ZNF423: variants seen among roughly 807,000 people sequenced by gnomAD.
ZNF423 encodes zinc finger protein 423, also known as Ebf-associated zinc finger protein.
ZNF423 carries 12 observed loss-of-function variants against 95.8 expected under a neutral mutation model. The ratio of observed to expected loss-of-function variants is 0.13; its 90% CI spans 0.08 to 0.20. The LOEUF is 0.20. Ranked by LOEUF, ZNF423 falls within the 10% of genes least tolerant of loss-of-function variation. The pLI is 1.00. For missense variants in ZNF423, 1,316 were observed against 1,737.1 expected, an observed-to-expected ratio of 0.76 and a Z score of 4.31; for synonymous variants, 749 against 711.9, an observed-to-expected ratio of 1.05 and a Z score of -0.83.
At chr16:49,566,763 G>A (rs1484034305) in intron 5 of ZNF423, among the ~76,000 whole-genome samples, 4 of 152,164 alleles carry the variant, frequency 2.6e-5, no homozygotes, top group African/African-American at 4.8e-5. Flanking sequence ...ATGGCTTGGC[G>A]GGCAGCGCGG....
At chr16:49,542,080 A>G (rs2151738932) in intron 5 of ZNF423, among the ~76,000 whole-genome samples, 1 of 152,310 alleles carries the variant, frequency 6.6e-6, no homozygotes, top group African/African-American at 2.4e-5. Context: ...CTATAACTGG[A>G]AATGGTTGGA....
In ZNF423 at chr16:49,635,513, G is replaced by A. The variant is rs77942067; in HGVS notation, c.3516+147C>T. On this transcript the variant is annotated intron_variant, in intron 4 of 7. Transcript: ENST00000563137. This position sits in a 1 kb window ranked among gnomAD's most constrained non-coding sequence, Gnocchi z 4.8. ...TGGCAGTGCTGAGGTTCAAACTCAA[G>A]GAGTCTACAGCACAGCAGTTCTGTT... The A allele has an allele frequency of 1.3e-4, 125 of 972,724 alleles. No individual in the cohort carries two copies. In the East Asian group the frequency reaches 3.7e-3, roughly 28 times the overall value. The allele number at this position is 972,724 out of a possible 1,614,324, so 60.3% of individuals were successfully genotyped here.
chr16:49,835,430 G>A (rs2144072810), intron 1 of ZNF423, among the ~76,000 whole-genome samples: 2 of 152,352 alleles, frequency 1.3e-5, no homozygotes, highest in South Asian at 4.1e-4. Flanking sequence ...AGGCGTTCCT[G>A]GGGGACCTGG....
chr16:49,578,702 G>A lies in ZNF423; in HGVS notation c.3601+47468C>T, dbSNP rs1257016142. Reference sequence around the variant, plus strand: ...ATGGGCTCCCACAGTAGGCAGCCTGGAAGGGAGGGGGACCAGCAGAAACCC... The same window carrying A: ...ATGGGCTCCCACAGTAGGCAGCCTGAAAGGGAGGGGGACCAGCAGAAACCC... On this transcript the variant is annotated intron_variant, in intron 5 of 7. Coordinates refer to ENST00000563137, the MANE Select transcript of ZNF423 (RefSeq NM_001379286.1). Among the ~76,000 whole-genome samples, 4 of 152,216 alleles carry A rather than the reference G, an allele frequency of 2.6e-5. No individual in the cohort carries two copies. The East Asian group carries it at 7.7e-4, about 29-fold the overall frequency.
In ZNF423 at chr16:49,490,512, G is replaced by A. The variant is rs1438871168; in HGVS notation, c.*763C>T. 1 of 152,484 alleles carries A rather than the reference G, an allele frequency of 6.6e-6. No homozygotes were observed. Among genetic ancestry groups the A allele is most frequent in the Non-Finnish European group, 1.5e-5 (1 of 68,104 alleles). 9.4% of individuals were successfully genotyped at this position (152,484 alleles called of 1,614,324 possible). A position where few individuals can be genotyped will look rare whatever the true frequency, so the allele number is the denominator to read the frequency against. The stretch of plus-strand genomic sequence containing the variant: ...TGCAGGTCCCCAAGGGCGTGTGCAA[G>A]CCCACAGGAACTTGTAGGGGAACAC... On this transcript the variant is annotated 3_prime_UTR_variant, in exon 8 of 8. Coordinates refer to ENST00000563137, the MANE Select transcript of ZNF423 (RefSeq NM_001379286.1).
chr16:49,787,797 C>T (rs1220299023), intron 2 of ZNF423, among the ~76,000 whole-genome samples: 1 of 152,174 alleles, frequency 6.6e-6, no homozygotes, highest in Non-Finnish European at 1.5e-5. Flanking sequence ...TCCAGCCCCA[C>T]CGGGAAAGCA....
At chr16:49,726,717 C>G (rs2033024237) in intron 3 of ZNF423, among the ~76,000 whole-genome samples, 1 of 151,428 alleles carries the variant, frequency 6.6e-6, no homozygotes, top group Non-Finnish European at 1.5e-5. Flanking sequence ...CCAGTCAGCC[C>G]CTATCTACAC....
intron 1 of ZNF423, among the ~76,000 whole-genome samples, chr16:49,851,012 G>A (rs1228509213): frequency 6.6e-6 from 1 of 152,198 alleles, no homozygotes. Flanking sequence ...GGAACTCAGA[G>A]CCGAAAGGCT....
chr16:49,854,641 C>T, intron 1 of ZNF423: 1 of 985,416 alleles, frequency 1.0e-6, no homozygotes, highest in Non-Finnish European at 1.2e-6. Context: ...GGGCACCCAA[C>T]CGAGGGGCTA....
intron 3 of ZNF423, among the ~76,000 whole-genome samples, chr16:49,716,695 G>A (rs560481831): frequency 3.9e-5 from 6 of 151,994 alleles, no homozygotes; most frequent in Non-Finnish European, 8.8e-5. Context: ...CGAATCCCCC[G>A]CCTCTCCCTG....
intron 5 of ZNF423, among the ~76,000 whole-genome samples, chr16:49,618,661 C>T (rs1215786996): frequency 6.6e-6 from 1 of 152,124 alleles, no homozygotes; most frequent in African/African-American, 2.4e-5. Flanking sequence ...TATAAATCAC[C>T]CAGTCTTGGG....
At chr16:49,627,919 A>T (rs1285189120) in intron 4 of ZNF423, among the ~76,000 whole-genome samples, 1 of 145,508 alleles carries the variant, frequency 6.9e-6, no homozygotes, top group Non-Finnish European at 1.5e-5. Context: ...CTACATACAC[A>T]CCCACCAATA....
At chr16:49,764,964 GGC>G (rs1437904283) in intron 2 of ZNF423, among the ~76,000 whole-genome samples, 1 of 143,568 alleles carries the variant, frequency 7.0e-6, no homozygotes, top group Admixed American at 7.1e-5. Flanking sequence ...TCACCATGTT[GGC>G]CAGGCTGGGC....
At chr16:49,538,631 C>T (rs534643526) in intron 5 of ZNF423, among the ~76,000 whole-genome samples, 25 of 152,290 alleles carry the variant, frequency 1.6e-4, no homozygotes, top group African/African-American at 6.0e-4. Flanking sequence ...CTACCTAACA[C>T]CCCTACTTTT....
chr16:49,489,290 G>A lies in ZNF423; in HGVS notation c.*1985C>T, dbSNP rs959337248. 1.1e-4 allele frequency: 16 copies of A among 152,280 alleles called. No individual in the cohort carries two copies. The highest frequency in any genetic ancestry group is 7.2e-4 in the Admixed American group (11 of 15,280). 9.4% of individuals were successfully genotyped at this position (152,280 alleles called of 1,614,324 possible). On this transcript the variant is annotated 3_prime_UTR_variant, in exon 8 of 8. Coordinates refer to ENST00000563137, the MANE Select transcript of ZNF423 (RefSeq NM_001379286.1). The stretch of plus-strand genomic sequence containing the variant: ...CCAGCACTGCCCAAAAGGTAGGCCT[G>A]GCTGTGGATGTGTGGCAGCCTCACT...
chr16:49,538,325 G>A (rs910976770), intron 5 of ZNF423, among the ~76,000 whole-genome samples: 1 of 152,192 alleles, frequency 6.6e-6, no homozygotes, highest in African/African-American at 2.4e-5. Flanking sequence ...ACGCCCCACC[G>A]TACAGCTCTG....
rs951526760 is a variant in ZNF423, at chr16:49,854,918, C to G, written c.40+817G>C. On this transcript the variant is annotated intron_variant, in intron 1 of 7. Coordinates refer to ENST00000563137, the MANE Select transcript of ZNF423 (RefSeq NM_001379286.1). The stretch of plus-strand genomic sequence containing the variant: ...AAGCCGGCCTGGGTGTCGAGGGTGC[C>G]GGTGCCCGGGGTCAGATCCAGGGTG... The G allele has an allele frequency of 2.2e-5, 22 of 984,948 alleles. No individual in the cohort carries two copies. In the East Asian group the frequency reaches 8.0e-4, roughly 36 times the overall value. 61.0% of individuals were successfully genotyped at this position (984,948 alleles called of 1,614,324 possible).
chr16:49,549,363 G>A (rs764918294), intron 5 of ZNF423, among the ~76,000 whole-genome samples: 5 of 152,208 alleles, frequency 3.3e-5, no homozygotes, highest in South Asian at 2.1e-4. Flanking sequence ...GGTCCCATCC[G>A]GCCTCCAGCC....
chr16:49,822,681 T>C (rs752433581), intron 1 of ZNF423: 2 of 1,612,314 alleles, frequency 1.2e-6, no homozygotes, highest in South Asian at 1.1e-5. Context: ...CCTCTTCTTA[T>C]GCATCCATGT....
Sources: gnomAD v4.1 joint callset for allele counts (sites outside exome capture counted in the v4.1 genomes callset) on GRCh38, gnomAD v4.1.1 for gene constraint, Gnocchi (gnomAD v3.1) non-coding constraint, MANE v1.5 for transcripts, NCBI Gene and HGNC (gene_info 2026-07-23, HGNC 2026-07-21) for gene names.